Variants in TXLNB observed in about 807,000 individuals in gnomAD.
The protein encoded by TXLNB is beta-taxilin.
A neutral mutation model predicts 57.4 loss-of-function variants in TXLNB; 37 were observed. The ratio of observed to expected loss-of-function variants is 0.64; its 90% confidence interval spans 0.50 to 0.85. The LOEUF (loss-of-function observed/expected upper bound fraction) is 0.85. Ranked by LOEUF, TXLNB falls within the 40% of genes least tolerant of loss-of-function variation. The pLI, the probability that TXLNB is intolerant of heterozygous loss-of-function variation, is 0.00. For synonymous variants in TXLNB, 302 were observed against 309.6 expected (o/e 0.98, Z 0.26); for missense variants, 848 against 825.6 (o/e 1.03, Z -0.33).
the TXLNB span, among the ~76,000 whole-genome samples, chr6:139,212,401 T>C: frequency 5.1e-4 from 77 of 152,182 alleles, no homozygotes; most frequent in African/African-American, 1.7e-3. Context: ...GAAGGAAAAA[T>C]AAAATACTTC....
intron 7 of TXLNB, among the ~76,000 whole-genome samples, chr6:139,254,370 A>G (rs1776282913): frequency 6.6e-6 from 1 of 151,944 alleles, no homozygotes; most frequent in East Asian, 1.9e-4. Context: ...AGCTGTCAGC[A>G]TATAAACATT....
chr6:139,222,914 T>G, the TXLNB span, among the ~76,000 whole-genome samples: 1 of 152,228 alleles, frequency 6.6e-6, no homozygotes, highest in African/African-American at 2.4e-5. Flanking sequence ...GTCAATATTT[T>G]GGTCAATGGA....
chr6:139,166,016 A>G, the TXLNB span: 1 of 351,622 alleles, frequency 2.8e-6, no homozygotes, highest in Admixed American at 4.5e-5. Context: ...TCTATGTTCC[A>G]GCGGCTTTCT....
chr6:139,214,091 C>T, the TXLNB span, among the ~76,000 whole-genome samples: 1 of 152,086 alleles, frequency 6.6e-6, no homozygotes, highest in African/African-American at 2.4e-5. Context: ...CTATTCCAAT[C>T]AATAGAAAAA....
chr6:139,262,368 AGTGAT>A (rs1479050739), intron 5 of TXLNB, among the ~76,000 whole-genome samples: 1 of 152,202 alleles, frequency 6.6e-6, no homozygotes, highest in African/African-American at 2.4e-5. Flanking sequence ...TTTACTTTGT[AGTGAT>A]GCCAGTTTTG....
At chr6:139,276,147 T>A (rs536583934) in intron 3 of TXLNB, among the ~76,000 whole-genome samples, 1 of 152,222 alleles carries the variant, frequency 6.6e-6, no homozygotes, top group Admixed American at 6.5e-5. Flanking sequence ...GAACAGTTCA[T>A]CCACTCCTAT....
intron 7 of TXLNB, among the ~76,000 whole-genome samples, chr6:139,252,638 C>T (rs1245595829): frequency 1.3e-5 from 2 of 152,234 alleles, no homozygotes; most frequent in Non-Finnish European, 2.9e-5. Flanking sequence ...TCATGAACTA[C>T]AGCTGAATAG....
At chr6:139,180,865 G>A in the TXLNB span, 5 of 152,518 alleles carry the variant, frequency 3.3e-5, no homozygotes, top group Admixed American at 2.0e-4. Flanking sequence ...CAGTGGGATT[G>A]TCTGGTCAGA....
At chr6:139,316,123 A>G in the TXLNB span, among the ~76,000 whole-genome samples, 58,507 of 152,130 alleles carry the variant, frequency 0.38, 11,700 homozygotes, top group Middle Eastern at 0.52. Flanking sequence ...TTCCACTTCT[A>G]TCTGTGAGGC....
At chr6:139,188,801 C>G in the TXLNB span, among the ~76,000 whole-genome samples, 1 of 150,036 alleles carries the variant, frequency 6.7e-6, no homozygotes, top group African/African-American at 2.5e-5. Context: ...GTCGCCCAGG[C>G]TGGAATACAA....
At chr6:139,252,899 G>A (rs1428540854) in intron 7 of TXLNB, among the ~76,000 whole-genome samples, 1 of 152,194 alleles carries the variant, frequency 6.6e-6, no homozygotes. Context: ...GCTGAGGCAG[G>A]AGAATGGCGT....
chr6:139,253,115 G>T (rs1484111977), intron 7 of TXLNB, among the ~76,000 whole-genome samples: 1 of 152,154 alleles, frequency 6.6e-6, no homozygotes, highest in East Asian at 1.9e-4. Context: ...GTCAAGCAGA[G>T]ATTTTTCTCT....
At chr6:139,255,381 A>G in intron 7 of TXLNB, 183 bp downstream of exon 7, 1 of 666,132 alleles carries the variant, frequency 1.5e-6, no homozygotes, top group Non-Finnish European at 2.8e-6. Context: ...TTTCATAGAT[A>G]TAATATTGTG....
At chr6:139,175,095 G>A in the TXLNB span, among the ~76,000 whole-genome samples, 1 of 152,142 alleles carries the variant, frequency 6.6e-6, no homozygotes, top group African/African-American at 2.4e-5. Context: ...CTACTAAAAG[G>A]AGGCATTGTC....
the TXLNB span, among the ~76,000 whole-genome samples, chr6:139,215,688 C>A: frequency 6.6e-6 from 1 of 152,180 alleles, no homozygotes; most frequent in African/African-American, 2.4e-5. Flanking sequence ...AGTGAACAGG[C>A]AACCTACAGA....
the TXLNB span, chr6:139,179,737 T>A: frequency 6.6e-6 from 1 of 152,218 alleles, no homozygotes; most frequent in African/African-American, 2.4e-5. Context: ...CTGAATACTT[T>A]GATTGGAATT....
the TXLNB span, among the ~76,000 whole-genome samples, chr6:139,194,533 C>G: frequency 6.6e-6 from 1 of 152,102 alleles, no homozygotes; most frequent in Non-Finnish European, 1.5e-5. Flanking sequence ...TATTCCATAC[C>G]CAAAGTTTTA....
the TXLNB span, among the ~76,000 whole-genome samples, chr6:139,176,737 A>C: frequency 6.6e-6 from 1 of 152,190 alleles, no homozygotes; most frequent in East Asian, 1.9e-4. This position sits in a 1 kb window ranked among gnomAD's most constrained non-coding sequence, Gnocchi z 4.5. Flanking sequence ...TTTTCTTCTC[A>C]TAAGTAGGTG....
the TXLNB span, among the ~76,000 whole-genome samples, chr6:139,321,103 A>G: frequency 5.9e-5 from 9 of 152,310 alleles, no homozygotes; most frequent in African/African-American, 2.2e-4. Context: ...ACCTTATCCA[A>G]TGGATTGAAT....
Sources: gnomAD v4.1 joint callset for allele counts (sites outside exome capture counted in the v4.1 genomes callset) on GRCh38, gnomAD v4.1.1 for gene constraint, Gnocchi (gnomAD v3.1) non-coding constraint, MANE v1.5 for transcripts, NCBI Gene and HGNC (gene_info 2026-07-23, HGNC 2026-07-21) for gene names.